The following DCP1A variants were observed in gnomAD, a reference collection of about 807,000 sequenced individuals.
DCP1A encodes the protein decapping mRNA 1A, also known as mRNA-decapping enzyme 1A.
DCP1A carries 20 observed loss-of-function variants against 58.0 expected under a neutral mutation model. That is an observed-to-expected ratio of 0.34 (90% CI 0.24 to 0.50). DCP1A has a LOEUF of 0.50. Among genes scored for constraint, DCP1A ranks in the 20% least tolerant of loss-of-function variants. The pLI, the probability that DCP1A is intolerant of heterozygous loss-of-function variation, is 0.98. For missense variants in DCP1A, 613 were observed against 712.2 expected, an observed-to-expected ratio of 0.86 and a Z score of 1.59; for synonymous variants, 285 against 275.1, an observed-to-expected ratio of 1.04 and a Z score of -0.36.
intron 6 of DCP1A, among the ~76,000 whole-genome samples, chr3:53,302,196 T>G (rs2106816536): frequency 6.6e-6 from 1 of 152,362 alleles, no homozygotes; most frequent in South Asian, 2.1e-4. Context: ...GTACTATATT[T>G]TGCAAAATGT....
chr3:53,294,207 C>G (rs530111161), intron 6 of DCP1A, among the ~76,000 whole-genome samples: 105 of 152,320 alleles, frequency 6.9e-4, no homozygotes, highest in African/African-American at 2.4e-3. Flanking sequence ...AGCCATCAGG[C>G]TTTATATTTT....
intron 5 of DCP1A, among the ~76,000 whole-genome samples, chr3:53,304,878 C>A (rs926397059): frequency 2.0e-5 from 3 of 152,082 alleles, no homozygotes; most frequent in Non-Finnish European, 4.4e-5. Context: ...CCACTGTGCC[C>A]AGCCTGATTT....
At chr3:53,295,738 A>G (rs1207842961) in intron 6 of DCP1A, among the ~76,000 whole-genome samples, 1 of 152,170 alleles carries the variant, frequency 6.6e-6, no homozygotes, top group Non-Finnish European at 1.5e-5. Context: ...AGCCCAGCAT[A>G]ATCCTTCTAA....
At chr3:53,335,468 C>T (rs984838272) in intron 3 of DCP1A, among the ~76,000 whole-genome samples, 2 of 152,144 alleles carry the variant, frequency 1.3e-5, no homozygotes, top group Non-Finnish European at 2.9e-5. Context: ...ATGCTTGGAG[C>T]TCATTCTATT....
intron 3 of DCP1A, chr3:53,337,995 T>C: frequency 7.1e-6 from 2 of 282,010 alleles, no homozygotes; most frequent in East Asian, 8.1e-5. Flanking sequence ...GAATATGGAT[T>C]GATGAAGTAA....
chr3:53,329,380 C>T, intron 3 of DCP1A: 1 of 398,402 alleles, frequency 2.5e-6, no homozygotes, highest in Non-Finnish European at 4.4e-6. Context: ...AGATCGATGC[C>T]CGATATAAAG....
chr3:53,319,575 T>A (rs942906183), intron 3 of DCP1A, 102 bp from the exon 4 acceptor site: 1 of 670,890 alleles, frequency 1.5e-6, no homozygotes, highest in Non-Finnish European at 2.5e-6. Context: ...AAATGTACCA[T>A]CAGACCCTCA....
chr3:53,319,336 A>G (rs1707896772), intron 4 of DCP1A, 71 bp downstream of exon 4: 1 of 1,004,170 alleles, frequency 1.0e-6, no homozygotes, highest in Non-Finnish European at 1.5e-6. Flanking sequence ...TTAGTAACAA[A>G]GAGAAGTGGG....
intron 3 of DCP1A, among the ~76,000 whole-genome samples, chr3:53,340,647 T>A (rs946047110): frequency 1.3e-5 from 2 of 151,572 alleles, no homozygotes; most frequent in East Asian, 3.9e-4. Flanking sequence ...TCTCCAACTA[T>A]ATCCTTAGAT....
chr3:53,315,304 C>T (rs1707768653), intron 4 of DCP1A, among the ~76,000 whole-genome samples: 1 of 151,896 alleles, frequency 6.6e-6, no homozygotes, highest in Non-Finnish European at 1.5e-5. Flanking sequence ...CTTTGGGAGG[C>T]CAAGGTGGGT....
rs1706688650 is a variant in DCP1A at position 53,287,616 on chromosome 3, C to G, written c.1713G>C (p.Gln571His). Residue 571 changes from glutamine (Q) to histidine (H), a missense_variant, in exon 10 of 10, where the codon CAG becomes CAC. Physicochemically the swap from Gln to His is conservative, Grantham distance 24. Transcript: ENST00000610213. ...GGTTGTCTTTGTTCTTGGTCAGAAC[C>G]TGCAAGTAGACTTCATGAAGTGTAC... ...FLSTLHEVYLQVLTKNKDNHN... is the reference protein window; with the variant it reads ...FLSTLHEVYLHVLTKNKDNHN... 6.2e-7 allele frequency: 1 copy of G among 1,612,352 alleles called. No individual in the cohort carries two copies. The highest frequency in any genetic ancestry group is 2.2e-5 in the East Asian group (1 of 44,876).
intron 4 of DCP1A, among the ~76,000 whole-genome samples, chr3:53,315,534 C>CAAAAAAAAA (rs1211486616): frequency 1.5e-5 from 1 of 64,992 alleles, no homozygotes; most frequent in Non-Finnish European, 2.7e-5. Context: ...GACTCTGTCT[C>CAAAAAAAAA]AAAAAAAAAA....
intron 6 of DCP1A, among the ~76,000 whole-genome samples, chr3:53,293,602 C>G (rs1707007418): frequency 6.6e-6 from 1 of 152,150 alleles, no homozygotes; most frequent in Non-Finnish European, 1.5e-5. Flanking sequence ...TTTGAAAACA[C>G]AGACAGCCTC....
chr3:53,312,863 T>C (rs1157605156), intron 4 of DCP1A, among the ~76,000 whole-genome samples: 1 of 152,182 alleles, frequency 6.6e-6, no homozygotes, highest in Non-Finnish European at 1.5e-5. Flanking sequence ...ACTTACCATT[T>C]CACCGTCTCA....
intron 3 of DCP1A, among the ~76,000 whole-genome samples, chr3:53,323,707 C>G (rs967237386): frequency 1.4e-4 from 22 of 151,840 alleles, no homozygotes; most frequent in African/African-American, 5.3e-4. Flanking sequence ...ACTAAAAATA[C>G]AAAAATTAGC....
intron 5 of DCP1A, among the ~76,000 whole-genome samples, chr3:53,309,308 T>A (rs545221565): frequency 6.6e-6 from 1 of 151,210 alleles, no homozygotes; most frequent in East Asian, 1.9e-4. Flanking sequence ...GAGGTGGAGG[T>A]TGCAGTGAGT....
chr3:53,327,979 C>T (rs1035963704), intron 3 of DCP1A, among the ~76,000 whole-genome samples: 7 of 151,962 alleles, frequency 4.6e-5, no homozygotes, highest in Admixed American at 3.3e-4. Context: ...AAAAATTAGC[C>T]GGGCATGGTG....
In DCP1A at chr3:53,322,280, C is replaced by T. The variant is rs947590202; in HGVS notation, c.305-2807G>A. On this transcript the variant is annotated intron_variant, in intron 3 of 9. Coordinates refer to ENST00000610213, the MANE Select transcript of DCP1A (RefSeq NM_018403.7). ...CCACCCTGGCCAACACGATGAAACC[C>T]GTCTCTACTAAAAATACAAAAAGTA... Among the ~76,000 whole-genome samples the T allele has an allele frequency of 2.6e-5, 4 of 151,868 alleles. No homozygotes were observed. In the East Asian group the frequency reaches 5.8e-4, roughly 22 times the overall value.
Position 53,284,718 on chromosome 3 carries a change from G to A in DCP1A, c.*2862C>T, listed in dbSNP as rs1221574307. The A allele has an allele frequency of 6.6e-6, 1 of 152,000 alleles. No individual in the cohort carries two copies. Among genetic ancestry groups the A allele is most frequent in the African/African-American group, 2.4e-5 (1 of 41,306 alleles). The allele number at this position is 152,000 out of a possible 1,614,324, so 9.4% of individuals were successfully genotyped here. A position where few individuals can be genotyped will look rare whatever the true frequency, so the allele number is the denominator to read the frequency against. Reference sequence around the variant, plus strand: ...CGCCCGGCTAATTTTTGTATTTTTAGTAGAGATGGGGTTTCACCATGTTGG... The same window carrying A: ...CGCCCGGCTAATTTTTGTATTTTTAATAGAGATGGGGTTTCACCATGTTGG... On this transcript the variant is annotated 3_prime_UTR_variant, in exon 10 of 10. Coordinates refer to ENST00000610213, the MANE Select transcript of DCP1A (RefSeq NM_018403.7).
Sources: gnomAD v4.1 joint callset for allele counts (sites outside exome capture counted in the v4.1 genomes callset) on GRCh38, gnomAD v4.1.1 for gene constraint, MANE v1.5 for transcripts, NCBI Gene and HGNC (gene_info 2026-07-23, HGNC 2026-07-21) for gene names.